The following TRPM3 variants were observed in gnomAD, a reference collection of about 807,000 sequenced individuals.
TRPM3 encodes the protein long transient receptor potential channel 3.
A neutral mutation model predicts 181.2 loss-of-function variants in TRPM3; 77 were observed. The ratio of observed to expected loss-of-function variants is 0.42; its 90% CI spans 0.35 to 0.51. The LOEUF is 0.51. TRPM3 is among the 20% of genes least tolerant of loss of function. The pLI, the probability that TRPM3 is intolerant of heterozygous loss-of-function variation, is 0.01. For synonymous variants in TRPM3, 745 were observed against 796.4 expected (o/e 0.94, Z 1.09); for missense variants, 1,759 against 2,196.7 (o/e 0.80, Z 3.98).
rs1257436059 is a variant in TRPM3, at chr9:70,691,454, G to T, written c.1273-9876C>A. On this transcript the variant is annotated intron_variant, in intron 8 of 25. Coordinates refer to ENST00000677713, the MANE Select transcript of TRPM3 (RefSeq NM_001366145.2). Reference sequence around the variant, plus strand: ...CTGATTTAGGTTACTTTAAGTAGGAGATTGTCTTATAGATTCAAGCACACT... The same window carrying T: ...CTGATTTAGGTTACTTTAAGTAGGATATTGTCTTATAGATTCAAGCACACT... 4.6e-5 allele frequency among the ~76,000 whole-genome samples: 7 copies of T among 152,306 alleles called. No homozygotes were observed. The East Asian group carries it at 1.2e-3, about 25-fold the overall frequency.
At chr9:70,685,006 T>C (rs1240529937) in intron 8 of TRPM3, among the ~76,000 whole-genome samples, 1 of 152,222 alleles carries the variant, frequency 6.6e-6, no homozygotes, top group African/African-American at 2.4e-5. Flanking sequence ...ACCATTTTTA[T>C]GGATAGATTG....
At chr9:71,214,009 C>A (rs887728058) in intron 1 of TRPM3, among the ~76,000 whole-genome samples, 3 of 152,094 alleles carry the variant, frequency 2.0e-5, no homozygotes, top group South Asian at 4.1e-4. Flanking sequence ...TTGTTTTCTG[C>A]CTCCATGTAT....
chr9:71,234,795 C>G (rs2081266631), intron 1 of TRPM3, among the ~76,000 whole-genome samples: 1 of 152,166 alleles, frequency 6.6e-6, no homozygotes, highest in Non-Finnish European at 1.5e-5. Flanking sequence ...TTGGGAGATA[C>G]AATTCAGTCA....
At chr9:70,817,250 G>A (rs1236759208) in intron 6 of TRPM3, among the ~76,000 whole-genome samples, 1 of 152,200 alleles carries the variant, frequency 6.6e-6, no homozygotes, top group Non-Finnish European at 1.5e-5. Context: ...CTAAAATGGT[G>A]TGTGTGACTT....
chr9:71,337,172 C>A (rs1256110185), intron 1 of TRPM3, among the ~76,000 whole-genome samples: 2 of 151,602 alleles, frequency 1.3e-5, no homozygotes, highest in Non-Finnish European at 3.0e-5. Context: ...AGGCAACCTA[C>A]AGAATGGAAG....
At chr9:71,420,289 C>G (rs1468798368) in intron 1 of TRPM3, among the ~76,000 whole-genome samples, 1 of 151,870 alleles carries the variant, frequency 6.6e-6, no homozygotes, top group Non-Finnish European at 1.5e-5. Flanking sequence ...TGGATTTTCT[C>G]TGTTGACCAC....
At chr9:71,370,026 T>C (rs1270274409) in intron 1 of TRPM3, among the ~76,000 whole-genome samples, 1 of 152,222 alleles carries the variant, frequency 6.6e-6, no homozygotes, top group African/African-American at 2.4e-5. Context: ...ACTATTGTAA[T>C]GGTTTTGGTG....
chr9:70,764,117 G>A (rs56201767), intron 7 of TRPM3, among the ~76,000 whole-genome samples: 33,248 of 152,022 alleles, frequency 0.22, 4,472 homozygotes, highest in Non-Finnish European at 0.3. Context: ...AGAGATTTTA[G>A]GTTTTATCCC....
intron 1 of TRPM3, among the ~76,000 whole-genome samples, chr9:71,321,922 G>T (rs570094429): frequency 7.2e-5 from 11 of 152,120 alleles, no homozygotes; most frequent in Admixed American, 2.6e-4. Flanking sequence ...AAGTTTAAAA[G>T]CCCACAACCA....
intron 3 of TRPM3, among the ~76,000 whole-genome samples, chr9:70,858,194 T>G (rs1025009413): frequency 5.9e-5 from 9 of 152,216 alleles, no homozygotes; most frequent in African/African-American, 2.2e-4. Context: ...TTGACCACTT[T>G]GTTAAAAATA....
intron 1 of TRPM3, among the ~76,000 whole-genome samples, chr9:70,915,298 CT>C (rs927457795): frequency 3.3e-5 from 5 of 150,420 alleles, no homozygotes; most frequent in Non-Finnish European, 5.9e-5. Context: ...GCATCAGAGT[CT>C]TTTTTTTTCT....
At chr9:71,284,264 C>A (rs556582336) in intron 1 of TRPM3, among the ~76,000 whole-genome samples, 48 of 152,346 alleles carry the variant, frequency 3.2e-4, no homozygotes, top group African/African-American at 1.1e-3. Flanking sequence ...TACTTGCCAA[C>A]ATAAAATTAA....
At chr9:70,882,191 A>G (rs1369225081) in intron 1 of TRPM3, among the ~76,000 whole-genome samples, 4 of 152,120 alleles carry the variant, frequency 2.6e-5, no homozygotes, top group Admixed American at 2.6e-4. Context: ...AAACACATTA[A>G]CTTAATCTCT....
rs1266277148 is a variant in TRPM3 at position 70,534,314 on chromosome 9, A to C, written c.*1639T>G. 6.6e-6 allele frequency: 1 copy of C among 152,254 alleles called. No individual in the cohort carries two copies. The highest frequency in any genetic ancestry group is 2.4e-5 in the African/African-American group (1 of 41,474). The allele number at this position is 152,254 out of a possible 1,614,324, so 9.4% of individuals were successfully genotyped here. On this transcript the variant is annotated 3_prime_UTR_variant, in exon 26 of 26. Transcript: ENST00000677713. ...AAGGCGAGCAGTGAGTCATTTTGAC[A>C]ACTCTAGTTTGATATGAGGAAAAGT...
At chr9:71,172,224 G>A (rs535544423) in intron 1 of TRPM3, among the ~76,000 whole-genome samples, 2 of 152,032 alleles carry the variant, frequency 1.3e-5, no homozygotes, top group African/African-American at 4.8e-5. Flanking sequence ...GTGTTTTGGA[G>A]GAAGTGGCTC....
chr9:70,774,735 GA>G (rs1163522178), intron 7 of TRPM3: 1 of 152,146 alleles, frequency 6.6e-6, no homozygotes, highest in Non-Finnish European at 1.5e-5. Context: ...GCTTACTCAA[GA>G]CTTTTAGAGG....
At chr9:71,160,332 ACAT>A (rs577834967) in intron 1 of TRPM3, among the ~76,000 whole-genome samples, 256 of 152,252 alleles carry the variant, frequency 1.7e-3, no homozygotes, top group Non-Finnish European at 2.6e-3. Context: ...ATTTCATAGC[ACAT>A]CATCATCTTC....
At chr9:71,065,681 C>T (rs1029676851) in intron 1 of TRPM3, among the ~76,000 whole-genome samples, 1 of 152,150 alleles carries the variant, frequency 6.6e-6, no homozygotes, top group Non-Finnish European at 1.5e-5. Flanking sequence ...CCAAAGCAAT[C>T]CTGGTAACCA....
intron 9 of TRPM3, among the ~76,000 whole-genome samples, chr9:70,679,400 T>C (rs1467647700): frequency 6.6e-6 from 1 of 152,218 alleles, no homozygotes; most frequent in Non-Finnish European, 1.5e-5. Context: ...GAATCACAAC[T>C]TAAATTCTCA....
Sources: gnomAD v4.1 joint callset for allele counts (sites outside exome capture counted in the v4.1 genomes callset) on GRCh38, gnomAD v4.1.1 for gene constraint, MANE v1.5 for transcripts, NCBI Gene and HGNC (gene_info 2026-07-23, HGNC 2026-07-21) for gene names.